Variants in UGT2A2 observed in about 807,000 individuals in gnomAD.
The protein encoded by UGT2A2 is UDP glucuronosyltransferase family 2 member A2.
In UGT2A2, 60 loss-of-function variants were observed where a neutral mutation model predicts 50.7. The ratio of observed to expected loss-of-function variants is 1.18; its 90% CI spans 0.96 to 1.47. UGT2A2 has a LOEUF of 1.47. Among genes scored for constraint, UGT2A2 ranks in the 40% most tolerant of loss-of-function variants. The pLI is 0.00. For missense variants in UGT2A2, 762 were observed against 634.0 expected (o/e 1.20, Z -2.17); for synonymous variants, 242 against 214.6 (o/e 1.13, Z -1.11).
chr4:69,600,664 G>A (rs564070143), intron 1 of UGT2A2, among the ~76,000 whole-genome samples: 2 of 152,164 alleles, frequency 1.3e-5, no homozygotes, highest in South Asian at 2.1e-4. Context: ...TGGTCCCATA[G>A]GCTGTACAGG....
At chr4:69,602,462 TTTATCTATCTA>T (rs373881652) in intron 1 of UGT2A2, among the ~76,000 whole-genome samples, 2,910 of 120,776 alleles carry the variant, frequency 0.024, 545 homozygotes, top group African/African-American at 0.033. Context: ...GATTTAGGAG[TTTATCTATCTA>T]TCTATCTATC....
intron 1 of UGT2A2, among the ~76,000 whole-genome samples, chr4:69,607,157 G>A (rs1221458494): frequency 6.2e-5 from 9 of 145,808 alleles, no homozygotes; most frequent in Non-Finnish European, 1.4e-4. Context: ...CACACTACCT[G>A]ACTTCAAACT....
chr4:69,599,572 G>A (rs563517526), intron 1 of UGT2A2, 178 bp from the exon 2 acceptor site: 2 of 873,160 alleles, frequency 2.3e-6, no homozygotes, highest in Non-Finnish European at 1.6e-6. Context: ...ATGGAAGAAA[G>A]GAAGGAGGAA....
rs373300381 is a variant in UGT2A2, at chr4:69,594,574, G to A, written c.1234C>T (p.His412Tyr). 51 of 1,613,996 alleles carry A rather than the reference G, an allele frequency of 3.2e-5. No individual in the cohort carries two copies. Among genetic ancestry groups the A allele is most frequent in the Non-Finnish European group, 3.8e-5 (45 of 1,180,050 alleles). Reference protein sequence around the residue: ...MFADQPDNIAHMKAKGAAVEV... With the variant: ...MFADQPDNIAYMKAKGAAVEV... The stretch of plus-strand genomic sequence containing the variant: ...ACAGCTGCTCCTTTGGCCTTCATGT[G>A]AGCAATGTTATCAGGCTGATCAGCA... The change falls in exon 5 of 6, where the codon CAC becomes TAC. Residue 412 changes from histidine to tyrosine, a missense_variant. Physicochemically the swap from His to Tyr is moderately conservative, Grantham distance 83. Transcript: ENST00000604629.
intron 1 of UGT2A2, among the ~76,000 whole-genome samples, chr4:69,610,148 A>C (rs4148295): frequency 0.38 from 57,245 of 151,908 alleles, 10,958 homozygotes; most frequent in African/African-American, 0.42. Context: ...CTAAAAGTGG[A>C]AAATACATGC....
At chr4:69,635,732 C>CA (rs1721642678) in intron 1 of UGT2A2, 1 of 254,072 alleles carries the variant, frequency 3.9e-6, no homozygotes, top group African/African-American at 2.4e-5. Context: ...GAGGCTGAGG[C>CA]GGGAGAATCG....
chr4:69,594,794 AAAG>A, intron 4 of UGT2A2, 98 bp from the exon 5 acceptor site: 1 of 1,372,728 alleles, frequency 7.3e-7, no homozygotes, highest in Non-Finnish European at 9.9e-7. Context: ...GTAACTCTCT[AAAG>A]AAGGATACGT....
chr4:69,599,205 T>A, intron 2 of UGT2A2, 41 bp downstream of exon 2: 1 of 1,559,278 alleles, frequency 6.4e-7, no homozygotes, highest in East Asian at 2.3e-5. Flanking sequence ...TTAAGTATTT[T>A]ATTATGAAGA....
chr4:69,617,680 C>T lies in UGT2A2; in HGVS notation c.743-18286G>A, dbSNP rs569633778. The stretch of plus-strand genomic sequence containing the variant: ...TAGCAACATACAGGGTCCATTAAGA[C>T]GTTCTTTAAAATACTAAAATAATAT... On this transcript the variant is annotated intron_variant, in intron 1 of 5. Transcript: ENST00000604629. Among the ~76,000 whole-genome samples the T allele has an allele frequency of 1.7e-4, 26 of 151,604 alleles. No homozygotes were observed. The East Asian group carries it at 1.7e-3, about 10-fold the overall frequency.
chr4:69,620,655 CA>C (rs57029226), intron 1 of UGT2A2, among the ~76,000 whole-genome samples: 39,715 of 130,518 alleles, frequency 0.3, 5,481 homozygotes, highest in South Asian at 0.35. Context: ...TATATGGAAC[CA>C]AAAAAAAAAA....
chr4:69,592,362 C>A (rs748351838), intron 5 of UGT2A2, among the ~76,000 whole-genome samples: 2 of 151,888 alleles, frequency 1.3e-5, no homozygotes, highest in Non-Finnish European at 2.9e-5. Flanking sequence ...AAATAACAGC[C>A]TGATAACCAC....
At chr4:69,606,573 T>G (rs138637308) in intron 1 of UGT2A2, among the ~76,000 whole-genome samples, 24,597 of 135,090 alleles carry the variant, frequency 0.18, 5,873 homozygotes, top group Non-Finnish European at 0.22. Flanking sequence ...TTCTGGCCAG[T>G]GCAATCAGGC....
chr4:69,589,294 T>C lies in UGT2A2; in HGVS notation c.*78A>G. ...GAGACGTGTTTTTGTTAAACTCCTTTTGTCTGGAATTAATAGGACTACACT... is the reference window on the plus strand; with the variant it reads ...GAGACGTGTTTTTGTTAAACTCCTTCTGTCTGGAATTAATAGGACTACACT... On this transcript the variant is annotated 3_prime_UTR_variant, in exon 6 of 6. Transcript: ENST00000604629. 1 of 1,417,982 alleles carries C rather than the reference T, an allele frequency of 7.1e-7. No individual in the cohort carries two copies. The highest frequency in any genetic ancestry group is 9.3e-7 in the Non-Finnish European group (1 of 1,078,940). 87.8% of individuals were successfully genotyped at this position (1,417,982 alleles called of 1,614,324 possible). A position where few individuals can be genotyped will look rare whatever the true frequency, so the allele number is the denominator to read the frequency against.
intron 1 of UGT2A2, among the ~76,000 whole-genome samples, chr4:69,613,953 C>T (rs1389567279): frequency 1.3e-5 from 2 of 151,992 alleles, no homozygotes; most frequent in South Asian, 2.1e-4. Flanking sequence ...TTTTACTTAA[C>T]ATCATAGTAG....
Position 69,602,036 on chromosome 4 carries a change from C to CA in UGT2A2, c.743-2643dup, listed in dbSNP as rs1332647614. ...AATCAAATTAAAAGTCAATCATACT[C>CA]AAAAATAGATGCTGTTACAGTTAAA... On this transcript the variant is annotated intron_variant, in intron 1 of 5. Transcript: ENST00000604629. Among the ~76,000 whole-genome samples the CA allele has an allele frequency of 1.5e-5, 2 of 135,870 alleles. 1 individual carries two copies. The highest frequency in any genetic ancestry group is 3.1e-5 in the Non-Finnish European group (2 of 64,042). The allele number at this position is 135,870 out of a possible 152,430, so 89.1% of individuals were successfully genotyped here.
chr4:69,619,991 A>G (rs1720649131), intron 1 of UGT2A2, among the ~76,000 whole-genome samples: 1 of 152,196 alleles, frequency 6.6e-6, no homozygotes, highest in Non-Finnish European at 1.5e-5. Flanking sequence ...ACCTCAAAAT[A>G]ATAAGAGACA....
chr4:69,612,170 A>T (rs982823974), intron 1 of UGT2A2, among the ~76,000 whole-genome samples: 39 of 152,126 alleles, frequency 2.6e-4, no homozygotes, highest in Admixed American at 1.9e-3. Context: ...TCATGTATGA[A>T]AATCAGCAAA....
chr4:69,605,567 A>G (rs1210341733), intron 1 of UGT2A2, among the ~76,000 whole-genome samples: 3 of 136,858 alleles, frequency 2.2e-5, no homozygotes, highest in African/African-American at 8.9e-5. Flanking sequence ...AGAAAAAACT[A>G]AGATCAGAGC....
chr4:69,589,611 C>G lies in UGT2A2; in HGVS notation c.1372G>C (p.Asp458His). The G allele has an allele frequency of 6.2e-7, 1 of 1,613,898 alleles. No individual in the cohort carries two copies. Among genetic ancestry groups the G allele is most frequent in the South Asian group, 1.1e-5 (1 of 91,084 alleles). Residue 458 changes from aspartate (D) to histidine (H), a missense_variant, in exon 6 of 6, where the codon GAT becomes CAT. Transcript: ENST00000604629. ...NAMRLSRIHH[D>H]QPVKPLDRAV... ...CGATCCAGGGGCTTTACAGGTTGAT[C>G]ATGGTGAATTCTTGATAACCTCATA...
Sources: gnomAD v4.1 joint callset for allele counts (sites outside exome capture counted in the v4.1 genomes callset) on GRCh38, gnomAD v4.1.1 for gene constraint, MANE v1.5 for transcripts, NCBI Gene and HGNC (gene_info 2026-07-23, HGNC 2026-07-21) for gene names.